The following KCNJ6 variants were observed in gnomAD, a reference collection of about 807,000 sequenced individuals.
The protein encoded by KCNJ6 is G protein-activated inward rectifier potassium channel 2.
In KCNJ6, 9 loss-of-function variants were observed where a neutral mutation model predicts 34.2. That is an observed-to-expected ratio of 0.26 (90% CI 0.16 to 0.46). The LOEUF (loss-of-function observed/expected upper bound fraction) is 0.46. KCNJ6 is among the 20% of genes least tolerant of loss of function. The pLI is 1.00. For missense variants in KCNJ6, 236 were observed against 531.3 expected, an observed-to-expected ratio of 0.44 and a Z score of 5.46; for synonymous variants, 196 against 207.1, an observed-to-expected ratio of 0.95 and a Z score of 0.46.
chr21:37,735,794 G>T (rs1466530498), intron 2 of KCNJ6, among the ~76,000 whole-genome samples: 1 of 152,190 alleles, frequency 6.6e-6, no homozygotes, highest in Non-Finnish European at 1.5e-5. Flanking sequence ...CACCTCTACG[G>T]CAGCTGTGGC....
chr21:37,686,431 C>T (rs989903012), intron 3 of KCNJ6, among the ~76,000 whole-genome samples: 19 of 149,712 alleles, frequency 1.3e-4, no homozygotes, highest in Non-Finnish European at 4.4e-5. Context: ...AGTTTGCAAC[C>T]TCCACGCATT....
At chr21:37,882,347 T>C (rs955458698) in intron 1 of KCNJ6, among the ~76,000 whole-genome samples, 1 of 152,072 alleles carries the variant, frequency 6.6e-6, no homozygotes, top group East Asian at 1.9e-4. Context: ...GCTGGGGAGA[T>C]GGGGCTGCTC....
chr21:37,794,367 TCA>T (rs1346107204), intron 2 of KCNJ6, among the ~76,000 whole-genome samples: 1 of 152,198 alleles, frequency 6.6e-6, no homozygotes, highest in Admixed American at 6.5e-5. Flanking sequence ...CCCTCATGCC[TCA>T]GTTTCCTCAT....
chr21:37,793,772 A>G (rs1190066772), intron 2 of KCNJ6, among the ~76,000 whole-genome samples: 2 of 152,098 alleles, frequency 1.3e-5, no homozygotes, highest in Non-Finnish European at 2.9e-5. Flanking sequence ...GGCTAGTCTG[A>G]TTTCAGAGCT....
intron 3 of KCNJ6, among the ~76,000 whole-genome samples, chr21:37,631,638 CTT>C (rs567255188): frequency 1.7e-4 from 26 of 152,300 alleles, no homozygotes; most frequent in Middle Eastern, 6.8e-3. Flanking sequence ...CTGCCTTCCT[CTT>C]TTATTTTCTG....
intron 1 of KCNJ6, among the ~76,000 whole-genome samples, chr21:37,855,668 T>TC (rs1371934870): frequency 6.6e-6 from 1 of 152,096 alleles, no homozygotes; most frequent in Non-Finnish European, 1.5e-5. Context: ...GGCCCCTCTC[T>TC]CCCCCGGGGA....
At chr21:37,700,186 G>A (rs1037845350) in intron 3 of KCNJ6, among the ~76,000 whole-genome samples, 3 of 152,154 alleles carry the variant, frequency 2.0e-5, no homozygotes, top group Non-Finnish European at 2.9e-5. Flanking sequence ...GAAACATCAT[G>A]GAGATTTGCA....
intron 2 of KCNJ6, among the ~76,000 whole-genome samples, chr21:37,758,559 C>T (rs955275568): frequency 5.3e-5 from 8 of 152,174 alleles, no homozygotes; most frequent in Non-Finnish European, 2.9e-5. Context: ...AATATCTACC[C>T]GTCAACTCTT....
chr21:37,805,033 G>A (rs762163074), intron 2 of KCNJ6, among the ~76,000 whole-genome samples: 2 of 152,158 alleles, frequency 1.3e-5, no homozygotes, highest in Non-Finnish European at 2.9e-5. Flanking sequence ...ACCATCTATT[G>A]TGCAAGTCTA....
intron 2 of KCNJ6, among the ~76,000 whole-genome samples, chr21:37,834,657 CT>C (rs2123571706): frequency 6.6e-6 from 1 of 152,336 alleles, no homozygotes; most frequent in South Asian, 2.1e-4. Flanking sequence ...TTTAATTGAG[CT>C]AATTTAATGT....
At chr21:37,767,395 G>C (rs2055096405) in intron 2 of KCNJ6, among the ~76,000 whole-genome samples, 1 of 152,160 alleles carries the variant, frequency 6.6e-6, no homozygotes, top group African/African-American at 2.4e-5. Context: ...ATCTGCAAGG[G>C]ACCTTAGAAC....
intron 3 of KCNJ6, among the ~76,000 whole-genome samples, chr21:37,682,373 A>G (rs554175307): frequency 4.1e-4 from 62 of 152,326 alleles, no homozygotes; most frequent in African/African-American, 1.3e-3. Flanking sequence ...AGGGTCAAAG[A>G]GCTCAGTCTA....
chr21:37,702,951 G>A (rs1372876669), intron 3 of KCNJ6, among the ~76,000 whole-genome samples: 1 of 152,070 alleles, frequency 6.6e-6, no homozygotes, highest in Non-Finnish European at 1.5e-5. Flanking sequence ...GGACGTTGTT[G>A]GTGAGTTTTG....
intron 2 of KCNJ6, among the ~76,000 whole-genome samples, chr21:37,794,566 C>T (rs2055231926): frequency 6.6e-6 from 1 of 152,214 alleles, no homozygotes. Flanking sequence ...AGGTGAGGCA[C>T]TCATAGCTGC....
chr21:37,711,347 C>A (rs1010801912), intron 3 of KCNJ6, among the ~76,000 whole-genome samples: 2 of 152,200 alleles, frequency 1.3e-5, no homozygotes, highest in African/African-American at 4.8e-5. Flanking sequence ...GAGGGCACCG[C>A]GTGAAGGTGG....
intron 2 of KCNJ6, among the ~76,000 whole-genome samples, chr21:37,753,315 C>T (rs907972686): frequency 2.6e-5 from 4 of 152,258 alleles, no homozygotes; most frequent in South Asian, 4.1e-4. Context: ...TGATCCTGAA[C>T]GTCCCCTAGT....
chr21:37,628,731 G>T (rs1184875569), intron 3 of KCNJ6, among the ~76,000 whole-genome samples: 1 of 152,158 alleles, frequency 6.6e-6, no homozygotes, highest in Non-Finnish European at 1.5e-5. Context: ...TTCACACTGA[G>T]ACACATCATA....
Position 37,614,946 on chromosome 21 carries a change from A to C in KCNJ6, c.*10213T>G, listed in dbSNP as rs568881479. On this transcript the variant is annotated 3_prime_UTR_variant, in exon 4 of 4. Coordinates refer to ENST00000609713, the MANE Select transcript of KCNJ6 (RefSeq NM_002240.5). ...CCTCATTCTTTTAGAAAAGGAAAAA[A>C]TCTCTATGAAGGTGCACACAGGGAG... 1.3e-5 allele frequency: 2 copies of C among 152,144 alleles called. No homozygotes were observed. Among genetic ancestry groups the C allele is most frequent in the Non-Finnish European group, 2.9e-5 (2 of 68,030 alleles). The allele number at this position is 152,144 out of a possible 1,614,324, so 9.4% of individuals were successfully genotyped here. A position where few individuals can be genotyped will look rare whatever the true frequency, so the allele number is the denominator to read the frequency against.
chr21:37,734,960 C>T (rs1438853172), intron 2 of KCNJ6, among the ~76,000 whole-genome samples: 1 of 152,032 alleles, frequency 6.6e-6, no homozygotes. Context: ...ATGACAGGAA[C>T]GTTGGAGATG....
Sources: allele counts gnomAD v4.1 joint callset (sites outside exome capture counted in the v4.1 genomes callset), GRCh38; gene constraint gnomAD v4.1.1; transcripts MANE v1.5; gene names NCBI Gene and HGNC (gene_info 2026-07-23, HGNC 2026-07-21).